Variants in PMFBP1 observed in about 807,000 individuals in gnomAD.
PMFBP1 encodes the protein polyamine modulated factor 1 binding protein 1, also known as polyamine-modulated factor 1-binding protein 1.
In PMFBP1, 131 loss-of-function variants were observed where a neutral mutation model predicts 137.8. The observed-to-expected ratio is 0.95, with a 90% CI of 0.82 to 1.10. The LOEUF is 1.10. PMFBP1 is among the 50% of genes least tolerant of loss of function. PMFBP1 has a pLI of 0.00. For missense variants in PMFBP1, 1,199 were observed against 1,175.4 expected (o/e 1.02, Z -0.29); for synonymous variants, 490 against 450.4 (o/e 1.09, Z -1.11).
chr16:72,225,929 TCACAGA>T, the PMFBP1 span, among the ~76,000 whole-genome samples: 5 of 106,240 alleles, frequency 4.7e-5, no homozygotes, highest in South Asian at 6.8e-4. Context: ...GCATGCACAC[TCACAGA>T]CACACACACA....
chr16:72,219,216 T>C, the PMFBP1 span, among the ~76,000 whole-genome samples: 1 of 152,194 alleles, frequency 6.6e-6, no homozygotes, highest in Non-Finnish European at 1.5e-5. Flanking sequence ...TTACTGAGGA[T>C]TGTGAACTGT....
the PMFBP1 span, among the ~76,000 whole-genome samples, chr16:72,183,851 G>A: frequency 6.6e-6 from 1 of 152,010 alleles, no homozygotes; most frequent in African/African-American, 2.4e-5. Flanking sequence ...GCTGCCTCTT[G>A]ATATTTCCTC....
At chr16:72,216,174 C>T in the PMFBP1 span, among the ~76,000 whole-genome samples, 1 of 152,056 alleles carries the variant, frequency 6.6e-6, no homozygotes, top group Non-Finnish European at 1.5e-5. Context: ...TCTGAGGAAA[C>T]CCCAGGGGAC....
chr16:72,191,048 T>C, the PMFBP1 span, among the ~76,000 whole-genome samples: 12 of 152,202 alleles, frequency 7.9e-5, no homozygotes, highest in African/African-American at 2.9e-4. Flanking sequence ...AACATGAAAA[T>C]TTTATGGCCT....
the PMFBP1 span, among the ~76,000 whole-genome samples, chr16:72,233,221 C>T: frequency 3.5e-4 from 53 of 152,196 alleles, no homozygotes; most frequent in African/African-American, 1.1e-3. Flanking sequence ...TGTACACATA[C>T]CAACACCCCT....
chr16:72,131,934 C>G (rs891788756), intron 10 of PMFBP1, among the ~76,000 whole-genome samples: 2 of 152,184 alleles, frequency 1.3e-5, no homozygotes, highest in African/African-American at 4.8e-5. Flanking sequence ...CAACCTTGAC[C>G]TCTCAGGCTC....
upstream of PMFBP1, among the ~76,000 whole-genome samples, chr16:72,177,713 T>C (rs2043263522): frequency 6.6e-6 from 1 of 152,238 alleles, no homozygotes; most frequent in African/African-American, 2.4e-5. Flanking sequence ...TTTTCACTAA[T>C]GTCCTTTTTC....
chr16:72,229,488 C>T, the PMFBP1 span, among the ~76,000 whole-genome samples: 2 of 152,172 alleles, frequency 1.3e-5, no homozygotes, highest in African/African-American at 4.8e-5. Flanking sequence ...ATAAGCATTC[C>T]TTTTTCTCCA....
At chr16:72,236,787 G>C in the PMFBP1 span, among the ~76,000 whole-genome samples, 1 of 152,168 alleles carries the variant, frequency 6.6e-6, no homozygotes, top group Non-Finnish European at 1.5e-5. Flanking sequence ...ATGTCAAAGA[G>C]ACAGTCATCT....
At chr16:72,160,514 T>C (rs2043045865) in intron 3 of PMFBP1, among the ~76,000 whole-genome samples, 1 of 152,240 alleles carries the variant, frequency 6.6e-6, no homozygotes, top group Non-Finnish European at 1.5e-5. Context: ...TTTTAACCAT[T>C]TTATTCCCTG....
chr16:72,202,331 T>A, the PMFBP1 span, among the ~76,000 whole-genome samples: 1 of 152,338 alleles, frequency 6.6e-6, no homozygotes, highest in Non-Finnish European at 1.5e-5. Context: ...TTCACTGATG[T>A]ATCTCTTTTT....
At chr16:72,133,695 A>G (rs1251065616) in intron 9 of PMFBP1, among the ~76,000 whole-genome samples, 1 of 152,174 alleles carries the variant, frequency 6.6e-6, no homozygotes, top group Non-Finnish European at 1.5e-5. Flanking sequence ...TCGGGCGACC[A>G]TCAGGTGATG....
chr16:72,222,944 G>C, the PMFBP1 span, among the ~76,000 whole-genome samples: 1 of 152,132 alleles, frequency 6.6e-6, no homozygotes, highest in South Asian at 2.1e-4. Context: ...CAGTCTTATA[G>C]GTGGTATTTA....
the PMFBP1 span, among the ~76,000 whole-genome samples, chr16:72,202,088 T>C: frequency 2.0e-5 from 3 of 152,340 alleles, no homozygotes; most frequent in South Asian, 2.1e-4. Flanking sequence ...TGGTTCATTG[T>C]ATATCTTGTA....
chr16:72,236,752 G>T, the PMFBP1 span, among the ~76,000 whole-genome samples: 1 of 152,126 alleles, frequency 6.6e-6, no homozygotes, highest in Non-Finnish European at 1.5e-5. Flanking sequence ...CATTTCACTG[G>T]CAAAAGAAAG....
chr16:72,235,235 G>T, the PMFBP1 span, among the ~76,000 whole-genome samples: 1 of 152,030 alleles, frequency 6.6e-6, no homozygotes, highest in Non-Finnish European at 1.5e-5. Context: ...TTTTGCACAT[G>T]AATATCCAGT....
chr16:72,221,352 G>C, the PMFBP1 span, among the ~76,000 whole-genome samples: 1 of 152,178 alleles, frequency 6.6e-6, no homozygotes, highest in East Asian at 1.9e-4. Flanking sequence ...GTGTTGCAGA[G>C]CGCCTGCACT....
At chr16:72,234,164 C>G in the PMFBP1 span, among the ~76,000 whole-genome samples, 1 of 152,242 alleles carries the variant, frequency 6.6e-6, no homozygotes, top group South Asian at 2.1e-4. Flanking sequence ...CACTATTTTC[C>G]AAAGTGACTG....
intron 3 of PMFBP1, 154 bp downstream of exon 3, chr16:72,164,610 G>T: frequency 1.7e-6 from 2 of 1,198,642 alleles, no homozygotes; most frequent in Non-Finnish European, 2.4e-6. Context: ...TGTGCGTTGG[G>T]GTGTGTGTGT....
Sources: allele counts gnomAD v4.1 joint callset (sites outside exome capture counted in the v4.1 genomes callset), GRCh38; gene constraint gnomAD v4.1.1; transcripts MANE v1.5; gene names NCBI Gene and HGNC (gene_info 2026-07-23, HGNC 2026-07-21).